The following ADAMTS19 variants were observed in gnomAD, a reference collection of about 807,000 sequenced individuals.
ADAMTS19 encodes the protein A disintegrin and metalloproteinase with thrombospondin motifs 19.
ADAMTS19 carries 93 observed loss-of-function variants against 153.3 expected under a neutral mutation model. That is an observed-to-expected ratio of 0.61 (90% CI 0.51 to 0.72). The LOEUF is 0.72. Ranked by LOEUF, ADAMTS19 falls within the 30% of genes least tolerant of loss-of-function variation. The pLI, the probability that ADAMTS19 is intolerant of heterozygous loss-of-function variation, is 0.00. For synonymous variants in ADAMTS19, 600 were observed against 556.6 expected (o/e 1.08, Z -1.10); for missense variants, 1,482 against 1,552.1 (o/e 0.95, Z 0.76).
chr5:129,537,490 G>A (rs1253161877), intron 6 of ADAMTS19, among the ~76,000 whole-genome samples: 2 of 151,940 alleles, frequency 1.3e-5, no homozygotes, highest in South Asian at 2.1e-4. Context: ...TGTTTATTGC[G>A]GCACTATTCA....
In ADAMTS19 at chr5:129,526,369, A is replaced by G. The variant is rs1752008431; in HGVS notation, c.999A>G (p.Ile333Met). 2 of 1,605,398 alleles carry G rather than the reference A, an allele frequency of 1.2e-6. No individual in the cohort carries two copies. Among genetic ancestry groups the G allele is most frequent in the Non-Finnish European group, 1.7e-6 (2 of 1,176,400 alleles). Residue 333 changes from isoleucine (I) to methionine (M), a missense_variant, in exon 4 of 23, where the codon ATA (isoleucine) becomes ATG (methionine). This residue lies in a region of ADAMTS19 where 866 missense variants were observed against 827.7 expected (regional missense o/e 1.05). Transcript: ENST00000274487. ...ACAAATTACCTCAAGAATACAACAT[A>G]GAGACTGTAGTGGTTGCAGACCCAG... ...YSYKLPQEYNIETVVVADPAM... is the reference protein window; with the variant it reads ...YSYKLPQEYNMETVVVADPAM...
chr5:129,645,403 A>G (rs1196906786), intron 11 of ADAMTS19, among the ~76,000 whole-genome samples: 1 of 152,188 alleles, frequency 6.6e-6, no homozygotes, highest in East Asian at 1.9e-4. Flanking sequence ...CACTTTCCTC[A>G]TTGTTGAAGC....
At position 129,648,737 on chromosome 5, in the gene ADAMTS19, T is replaced by G. The variant is rs1243423333; in HGVS notation, c.2004-61T>G. The G allele has an allele frequency of 3.5e-6, 5 of 1,425,158 alleles. No individual in the cohort carries two copies. In the East Asian group the frequency reaches 1.2e-4, roughly 34 times the overall value. The allele number at this position is 1,425,158 out of a possible 1,614,324, so 88.3% of individuals were successfully genotyped here. A position where few individuals can be genotyped will look rare whatever the true frequency, so the allele number is the denominator to read the frequency against. ...TATTATTAATATAATGGCTTTTAAT[T>G]TAAAACCTAGGTAGTTAACATAAAA... On this transcript the variant is annotated intron_variant, in intron 12 of 22. Transcript: ENST00000274487.
At chr5:129,602,531 C>A (rs1191165983) in intron 8 of ADAMTS19, among the ~76,000 whole-genome samples, 2 of 152,020 alleles carry the variant, frequency 1.3e-5, no homozygotes, top group Non-Finnish European at 2.9e-5. Flanking sequence ...CATAAAAATT[C>A]TTGAGCTAAG....
chr5:129,509,021 A>T, intron 2 of ADAMTS19, 56 bp from the exon 3 acceptor site: 1 of 1,403,306 alleles, frequency 7.1e-7, no homozygotes, highest in African/African-American at 1.5e-5. Flanking sequence ...GGAAGAATCT[A>T]AAAGTATTTT....
chr5:129,646,512 C>A (rs1025438419), intron 11 of ADAMTS19, among the ~76,000 whole-genome samples: 2 of 151,962 alleles, frequency 1.3e-5, no homozygotes, highest in African/African-American at 2.4e-5. Flanking sequence ...GAATAAATAT[C>A]AGAATGAACA....
intron 11 of ADAMTS19, among the ~76,000 whole-genome samples, chr5:129,643,924 T>G (rs1400900039): frequency 1.3e-5 from 2 of 152,314 alleles, no homozygotes; most frequent in East Asian, 3.9e-4. Flanking sequence ...AGCAGTAATA[T>G]TAAGAGATAA....
intron 2 of ADAMTS19, among the ~76,000 whole-genome samples, chr5:129,465,624 G>C (rs1749829578): frequency 6.6e-6 from 1 of 152,026 alleles, no homozygotes; most frequent in Admixed American, 6.6e-5. Flanking sequence ...AAATATTTTT[G>C]TGACTCCCAT....
At chr5:129,530,293 T>C (rs976227525) in intron 6 of ADAMTS19, among the ~76,000 whole-genome samples, 5 of 152,138 alleles carry the variant, frequency 3.3e-5, no homozygotes, top group African/African-American at 1.2e-4. Context: ...GTTGTTGTAA[T>C]TGGAGTCTCC....
intron 1 of ADAMTS19, chr5:129,460,747 A>G (rs1454210024): frequency 5.2e-6 from 3 of 571,780 alleles, no homozygotes; most frequent in Non-Finnish European, 9.3e-6. Flanking sequence ...CACCTGGAGG[A>G]AAATTAGAAC....
intron 2 of ADAMTS19, among the ~76,000 whole-genome samples, chr5:129,508,504 C>A (rs1425341840): frequency 6.6e-6 from 1 of 151,914 alleles, no homozygotes; most frequent in Non-Finnish European, 1.5e-5. Context: ...TAAAACATGT[C>A]ACTATGTGAA....
intron 10 of ADAMTS19, among the ~76,000 whole-genome samples, chr5:129,633,864 T>C (rs1752416543): frequency 6.6e-6 from 1 of 152,116 alleles, no homozygotes. Flanking sequence ...CTCTTCTAAT[T>C]CTATTCCCTC....
At chr5:129,732,111 T>C (rs1329442571) in intron 21 of ADAMTS19, among the ~76,000 whole-genome samples, 2 of 152,144 alleles carry the variant, frequency 1.3e-5, no homozygotes, top group African/African-American at 4.8e-5. Flanking sequence ...ACATCAAATA[T>C]GTTCTTTGCA....
At chr5:129,688,914 A>T (rs1755208102) in intron 18 of ADAMTS19, among the ~76,000 whole-genome samples, 1 of 152,194 alleles carries the variant, frequency 6.6e-6, no homozygotes, top group Admixed American at 6.6e-5. Context: ...AGAAGTGTGG[A>T]TCAGTTTGCT....
At chr5:129,735,238 G>A in intron 22 of ADAMTS19, 129 bp downstream of exon 22, 2 of 940,292 alleles carry the variant, frequency 2.1e-6, no homozygotes, top group Non-Finnish European at 2.9e-6. Flanking sequence ...GCACTAAATT[G>A]GATCCATTTA....
At chr5:129,599,229 T>G (rs1750526018) in intron 8 of ADAMTS19, among the ~76,000 whole-genome samples, 2 of 152,162 alleles carry the variant, frequency 1.3e-5, no homozygotes, top group South Asian at 4.1e-4. Flanking sequence ...AATTGAAAGG[T>G]ATTTTCAGTT....
intron 16 of ADAMTS19, among the ~76,000 whole-genome samples, chr5:129,666,497 C>G (rs1379409666): frequency 6.6e-6 from 1 of 151,890 alleles, no homozygotes; most frequent in Admixed American, 6.6e-5. Flanking sequence ...TATATAGAAA[C>G]AACTCAGCTT....
intron 6 of ADAMTS19, among the ~76,000 whole-genome samples, chr5:129,542,103 C>A (rs948237158): frequency 5.3e-5 from 8 of 151,838 alleles, no homozygotes; most frequent in African/African-American, 1.2e-4. Context: ...AGTTGAGCAA[C>A]AGAAGAAATA....
intron 2 of ADAMTS19, among the ~76,000 whole-genome samples, chr5:129,480,102 G>A (rs956051490): frequency 1.3e-5 from 2 of 152,092 alleles, no homozygotes; most frequent in Admixed American, 1.3e-4. Context: ...GAACAAAGAG[G>A]CATATGGAAC....
Sources: allele counts gnomAD v4.1 joint callset (sites outside exome capture counted in the v4.1 genomes callset), GRCh38; gene constraint gnomAD v4.1.1; regional missense constraint gnomAD v4.1.1; transcripts MANE v1.5; gene names NCBI Gene and HGNC (gene_info 2026-07-23, HGNC 2026-07-21).